DLGAP2: variants seen among roughly 807,000 people sequenced by gnomAD.
DLGAP2 encodes the protein DLG associated protein 2, also known as disks large-associated protein 2.
A neutral mutation model predicts 100.3 loss-of-function variants in DLGAP2; 26 were observed. The observed-to-expected ratio is 0.26, with a 90% CI of 0.19 to 0.36. The LOEUF (loss-of-function observed/expected upper bound fraction) is 0.36. DLGAP2 is among the 10% of genes least tolerant of loss of function. The pLI is 1.00. For synonymous variants in DLGAP2, 886 were observed against 630.1 expected (o/e 1.41, Z -6.08); for missense variants, 1,858 against 1,453.2 (o/e 1.28, Z -4.53).
At chr8:1,237,352 G>C (rs1329394796) in intron 2 of DLGAP2, among the ~76,000 whole-genome samples, 2 of 98,754 alleles carry the variant, frequency 2.0e-5, no homozygotes, top group African/African-American at 1.0e-4. Flanking sequence ...GCCGTGTCTA[G>C]TTCTCTCACA....
intron 1 of DLGAP2, among the ~76,000 whole-genome samples, chr8:785,971 G>A (rs922274413): frequency 6.6e-6 from 1 of 152,228 alleles, no homozygotes; most frequent in Non-Finnish European, 1.5e-5. Flanking sequence ...GCGATATCAC[G>A]TACCCCGTGG....
chr8:803,355 C>T (rs1796208066), intron 1 of DLGAP2, among the ~76,000 whole-genome samples: 1 of 151,982 alleles, frequency 6.6e-6, no homozygotes, highest in Non-Finnish European at 1.5e-5. Flanking sequence ...TGGTTTATTC[C>T]TTGCTATATA....
intron 2 of DLGAP2, among the ~76,000 whole-genome samples, chr8:1,220,819 C>G (rs1023227381): frequency 6.6e-6 from 1 of 152,062 alleles, no homozygotes; most frequent in Admixed American, 6.6e-5. Context: ...TTTTGTTAAG[C>G]CTTCTTGTTG....
intron 3 of DLGAP2, among the ~76,000 whole-genome samples, chr8:1,426,207 C>T (rs1419097246): frequency 6.6e-6 from 1 of 152,208 alleles, no homozygotes; most frequent in Non-Finnish European, 1.5e-5. Context: ...ATACCCACAT[C>T]AGCAAATTCA....
intron 2 of DLGAP2, among the ~76,000 whole-genome samples, chr8:1,216,388 G>T (rs1314148930): frequency 1.3e-5 from 2 of 152,176 alleles, no homozygotes; most frequent in East Asian, 3.9e-4. Flanking sequence ...TCACTCTGTT[G>T]CCCAGGCTGG....
chr8:1,357,752 G>T (rs1405463493), intron 3 of DLGAP2, among the ~76,000 whole-genome samples: 1 of 152,210 alleles, frequency 6.6e-6, no homozygotes, highest in African/African-American at 2.4e-5. Flanking sequence ...CAAGCGCTGT[G>T]TTCTGCTGTG....
At chr8:1,242,451 G>C (rs1798817727) in intron 2 of DLGAP2, among the ~76,000 whole-genome samples, 1 of 152,224 alleles carries the variant, frequency 6.6e-6, no homozygotes, top group African/African-American at 2.4e-5. Context: ...CCTGGCCACG[G>C]ACCTTGTTCA....
At chr8:1,606,230 C>G (rs188904031) in intron 6 of DLGAP2, among the ~76,000 whole-genome samples, 1 of 152,132 alleles carries the variant, frequency 6.6e-6, no homozygotes, top group Non-Finnish European at 1.5e-5. Flanking sequence ...AAATAGAGTG[C>G]TCTTCGTATC....
chr8:1,263,213 G>A (rs1344636691), intron 3 of DLGAP2, among the ~76,000 whole-genome samples: 1 of 152,136 alleles, frequency 6.6e-6, no homozygotes, highest in African/African-American at 2.4e-5. Flanking sequence ...GATTGTGATG[G>A]CAGAAATATA....
rs565518766 is a variant in DLGAP2, at chr8:1,196,952, A to G, written c.74-61899A>G. ...GAGGTCCCACTATTGTCCATCCACAAGCTGGAGACCCAGGGAAGCCAGAGG... is the reference window on the plus strand; with the variant it reads ...GAGGTCCCACTATTGTCCATCCACAGGCTGGAGACCCAGGGAAGCCAGAGG... On this transcript the variant is annotated intron_variant, in intron 2 of 14. Transcript: ENST00000637795. Among the ~76,000 whole-genome samples, 10 of 152,290 alleles carry G rather than the reference A, an allele frequency of 6.6e-5. No homozygotes were observed. The East Asian group carries it at 1.7e-3, about 27-fold the overall frequency.
chr8:1,501,512 C>A, intron 4 of DLGAP2, 81 bp downstream of exon 4: 2 of 1,359,440 alleles, frequency 1.5e-6, no homozygotes, highest in Admixed American at 2.2e-5. Context: ...TCATGCGGAC[C>A]GTCCCACAAA....
intron 1 of DLGAP2, among the ~76,000 whole-genome samples, chr8:868,729 C>G (rs1218521197): frequency 6.6e-6 from 1 of 152,166 alleles, no homozygotes; most frequent in Non-Finnish European, 1.5e-5. Flanking sequence ...CCCTGTCTGT[C>G]ACCTTGGAGT....
intron 2 of DLGAP2, among the ~76,000 whole-genome samples, chr8:1,122,069 C>T (rs1024541819): frequency 1.3e-5 from 2 of 152,154 alleles, no homozygotes; most frequent in Non-Finnish European, 2.9e-5. Flanking sequence ...TGCCCCAAGC[C>T]ATTGAGCCAG....
At chr8:1,549,832 C>T (rs1445760461) in intron 5 of DLGAP2, 149 bp downstream of exon 5, 23 of 963,110 alleles carry the variant, frequency 2.4e-5, no homozygotes, top group Non-Finnish European at 3.0e-5. Context: ...TGGGACAGCT[C>T]CACTGAGCTG....
intron 3 of DLGAP2, among the ~76,000 whole-genome samples, chr8:1,388,269 C>A (rs1309188428): frequency 8.5e-6 from 1 of 117,294 alleles, no homozygotes; most frequent in African/African-American, 3.5e-5. Flanking sequence ...GATGAGGAGG[C>A]GCTGGTTCAG....
intron 3 of DLGAP2, among the ~76,000 whole-genome samples, chr8:1,290,794 G>A (rs1236359055): frequency 6.6e-6 from 1 of 152,176 alleles, no homozygotes; most frequent in South Asian, 2.1e-4. Context: ...TGATAGCTTG[G>A]AGCTGTCAAC....
At chr8:741,136 G>C (rs1351083626) in intron 1 of DLGAP2, among the ~76,000 whole-genome samples, 1 of 152,200 alleles carries the variant, frequency 6.6e-6, no homozygotes, top group Non-Finnish European at 1.5e-5. Context: ...CTGGGTACTT[G>C]TGCGTACAAA....
chr8:1,356,239 G>T (rs573617694), intron 3 of DLGAP2, among the ~76,000 whole-genome samples: 9 of 152,192 alleles, frequency 5.9e-5, no homozygotes, highest in Admixed American at 5.9e-4. Flanking sequence ...CATGGGACCC[G>T]GGGAGCCATG....
At chr8:1,110,476 A>G (rs558360043) in intron 2 of DLGAP2, among the ~76,000 whole-genome samples, 1 of 145,352 alleles carries the variant, frequency 6.9e-6, no homozygotes, top group African/African-American at 2.6e-5. Flanking sequence ...TGGGTCTGTG[A>G]CATGTGCTCG....
Sources: gnomAD v4.1 joint callset for allele counts (sites outside exome capture counted in the v4.1 genomes callset) on GRCh38, gnomAD v4.1.1 for gene constraint, MANE v1.5 for transcripts, NCBI Gene and HGNC (gene_info 2026-07-23, HGNC 2026-07-21) for gene names.